SORCS2: variants seen among roughly 807,000 people sequenced by gnomAD.
SORCS2 encodes VPS10 domain-containing receptor SorCS2.
SORCS2 carries 100 observed loss-of-function variants against 141.6 expected under a neutral mutation model. That is an observed-to-expected ratio of 0.71 (90% CI 0.60 to 0.83). SORCS2 has a LOEUF of 0.83. SORCS2 is among the 40% of genes least tolerant of loss of function. The pLI, the probability that SORCS2 is intolerant of heterozygous loss-of-function variation, is 0.00. For missense variants in SORCS2, 1,646 were observed against 1,560.2 expected, an observed-to-expected ratio of 1.05 and a Z score of -0.93; for synonymous variants, 789 against 676.9, an observed-to-expected ratio of 1.17 and a Z score of -2.57.
At chr4:7,411,908 C>T (rs905607893) in intron 2 of SORCS2, among the ~76,000 whole-genome samples, 1 of 152,208 alleles carries the variant, frequency 6.6e-6, no homozygotes, top group Admixed American at 6.5e-5. Flanking sequence ...GCTGCCCTCC[C>T]TACATAGTGC....
intron 1 of SORCS2, among the ~76,000 whole-genome samples, chr4:7,305,216 A>G (rs1374569378): frequency 3.3e-5 from 5 of 151,962 alleles, no homozygotes; most frequent in African/African-American, 9.7e-5. Flanking sequence ...TATTTTTAGT[A>G]GAGATGGGGT....
chr4:7,215,093 G>A (rs1477433402), intron 1 of SORCS2, among the ~76,000 whole-genome samples: 3 of 152,188 alleles, frequency 2.0e-5, no homozygotes, highest in Admixed American at 6.5e-5. Flanking sequence ...GGCCAAGGCA[G>A]GAGCCCACTC....
intron 2 of SORCS2, among the ~76,000 whole-genome samples, chr4:7,420,172 G>T (rs187180918): frequency 6.6e-6 from 1 of 152,344 alleles, no homozygotes; most frequent in Non-Finnish European, 1.5e-5. Context: ...CAATGTGCCT[G>T]GGGGGCAAGG....
At chr4:7,395,470 T>C (rs1209073606) in intron 1 of SORCS2, among the ~76,000 whole-genome samples, 2 of 152,208 alleles carry the variant, frequency 1.3e-5, no homozygotes, top group Non-Finnish European at 1.5e-5. Context: ...GAAAACGCAG[T>C]GGCTGGTGCA....
intron 2 of SORCS2, among the ~76,000 whole-genome samples, chr4:7,503,883 C>G (rs376279130): frequency 3.9e-5 from 6 of 152,318 alleles, no homozygotes; most frequent in Admixed American, 1.3e-4. Context: ...TAAGCAGCCT[C>G]TGGGTTGGCA....
intron 3 of SORCS2, among the ~76,000 whole-genome samples, chr4:7,622,122 C>T (rs1199738116): frequency 6.6e-6 from 1 of 152,180 alleles, no homozygotes; most frequent in African/African-American, 2.4e-5. Context: ...AAGCCAGGAT[C>T]CCTGCGCTCC....
Position 7,508,447 on chromosome 4 carries a change from T to C in SORCS2, c.549-23083T>C, listed in dbSNP as rs557205117. On this transcript the variant is annotated intron_variant, in intron 2 of 26. Transcript: ENST00000507866. ...CTCACTGCAACCTCCACCTCCCGGG[T>C]TCAAGTGATTCTCCTGACTCAGTTT... Among the ~76,000 whole-genome samples the C allele has an allele frequency of 2.4e-3, 354 of 149,620 alleles. 1 individual carries two copies. Among genetic ancestry groups the C allele is most frequent in the Non-Finnish European group, 3.8e-3 (260 of 67,684 alleles).
chr4:7,387,668 GCACA>G (rs1304338688), intron 1 of SORCS2, among the ~76,000 whole-genome samples: 80 of 137,502 alleles, frequency 5.8e-4, no homozygotes, highest in Middle Eastern at 9.7e-3. Flanking sequence ...ATGCACACAT[GCACA>G]CACATACAGG....
intron 1 of SORCS2, among the ~76,000 whole-genome samples, chr4:7,338,509 C>T (rs1403404242): frequency 6.6e-6 from 1 of 152,028 alleles, no homozygotes; most frequent in Non-Finnish European, 1.5e-5. Flanking sequence ...GGTCATCTGT[C>T]CCTGTCTCTC....
chr4:7,708,434 C>T (rs190472879), intron 14 of SORCS2, among the ~76,000 whole-genome samples: 12 of 152,282 alleles, frequency 7.9e-5, no homozygotes, highest in Non-Finnish European at 1.8e-4. Flanking sequence ...ACTGGTCTCA[C>T]TGAACATCCA....
intron 1 of SORCS2, among the ~76,000 whole-genome samples, chr4:7,239,667 C>A (rs929608050): frequency 1.3e-5 from 2 of 152,176 alleles, no homozygotes; most frequent in African/African-American, 4.8e-5. Flanking sequence ...TCGCACTTGG[C>A]CCCCAGGATA....
At chr4:7,306,787 G>A (rs947176034) in intron 1 of SORCS2, among the ~76,000 whole-genome samples, 1 of 152,136 alleles carries the variant, frequency 6.6e-6, no homozygotes, top group African/African-American at 2.4e-5. Flanking sequence ...GTGTGGCCCC[G>A]TCCCTGGAGG....
chr4:7,681,567 G>C (rs1204056784), intron 9 of SORCS2, among the ~76,000 whole-genome samples: 1 of 152,222 alleles, frequency 6.6e-6, no homozygotes, highest in African/African-American at 2.4e-5. Context: ...CCGCATGCCA[G>C]GCTTCTGCCC....
intron 1 of SORCS2, among the ~76,000 whole-genome samples, chr4:7,216,816 G>A: frequency 6.6e-6 from 1 of 152,262 alleles, no homozygotes; most frequent in Non-Finnish European, 1.5e-5. Flanking sequence ...GGATGGGGAT[G>A]TCTTCTTGGG....
chr4:7,209,752 C>T (rs929822845), intron 1 of SORCS2, among the ~76,000 whole-genome samples: 4 of 151,792 alleles, frequency 2.6e-5, no homozygotes, highest in South Asian at 2.1e-4. Flanking sequence ...AGAGAAGGGA[C>T]GAAGACCAGG....
At chr4:7,380,062 T>C (rs1722893223) in intron 1 of SORCS2, among the ~76,000 whole-genome samples, 1 of 152,110 alleles carries the variant, frequency 6.6e-6, no homozygotes, top group Non-Finnish European at 1.5e-5. Flanking sequence ...TGCTCAACAA[T>C]GGCCATTTCT....
chr4:7,682,626 C>A, intron 9 of SORCS2, 117 bp from the exon 10 acceptor site: 1 of 995,014 alleles, frequency 1.0e-6, no homozygotes, highest in Non-Finnish European at 1.5e-6. Flanking sequence ...GACATTGTGA[C>A]TGTGAAATGA....
At chr4:7,724,457 T>TAATGGTGACAATAG in intron 19 of SORCS2, among the ~76,000 whole-genome samples, 1 of 111,750 alleles carries the variant, frequency 8.9e-6, no homozygotes, top group African/African-American at 4.6e-5. Context: ...GTGGTGGTGA[T>TAATGGTGACAATAG]GGTGGTGGTG....
chr4:7,314,096 C>T (rs1209377675), intron 1 of SORCS2, among the ~76,000 whole-genome samples: 1 of 152,242 alleles, frequency 6.6e-6, no homozygotes, highest in Non-Finnish European at 1.5e-5. Flanking sequence ...TCCAGCAGCA[C>T]ATCTGCTTCT....
Sources: gnomAD v4.1 joint callset for allele counts (sites outside exome capture counted in the v4.1 genomes callset) on GRCh38, gnomAD v4.1.1 for gene constraint, MANE v1.5 for transcripts, NCBI Gene and HGNC (gene_info 2026-07-23, HGNC 2026-07-21) for gene names.